The following SLC39A10 variants were observed in gnomAD, a reference collection of about 807,000 sequenced individuals.
SLC39A10 encodes the protein solute carrier family 39 member 10.
Under a neutral mutation model 65.1 loss-of-function variants are expected in SLC39A10, and 13 were observed. The ratio of observed to expected loss-of-function variants is 0.20; its 90% CI spans 0.13 to 0.32. SLC39A10 has a LOEUF of 0.32. SLC39A10 is among the 10% of genes least tolerant of loss of function. The probability of loss-of-function intolerance (pLI) is 1.00; values close to 1 mark genes in which losing one functional copy is unlikely to be tolerated. For synonymous variants in SLC39A10, 321 were observed against 342.2 expected (o/e 0.94, Z 0.68); for missense variants, 831 against 1,018.4 (o/e 0.82, Z 2.50).
intron 3 of SLC39A10, among the ~76,000 whole-genome samples, chr2:195,698,605 T>C (rs1043447765): frequency 6.6e-6 from 1 of 152,014 alleles, no homozygotes; most frequent in Non-Finnish European, 1.5e-5. Flanking sequence ...ATTCTGTTAA[T>C]ACATATGGAT....
At chr2:195,693,086 G>T (rs931922048) in intron 3 of SLC39A10, among the ~76,000 whole-genome samples, 6 of 152,086 alleles carry the variant, frequency 3.9e-5, no homozygotes, top group African/African-American at 1.4e-4. Flanking sequence ...AGATGATCTT[G>T]TGATTTTGTT....
In SLC39A10 at chr2:195,644,228, G is replaced by A. The variant is rs778321876; in HGVS notation, c.-11-35804G>A. The stretch of plus-strand genomic sequence containing the variant: ...ATTAATTTGAAAATCTGGGTTTGGT[G>A]GCTCACGCCTGTGATCCCAGCACTT... On this transcript the variant is annotated intron_variant, in intron 2 of 2. Coordinates refer to the SLC39A10 transcript ENST00000458054. Among the ~76,000 whole-genome samples, 15 of 151,758 alleles carry A rather than the reference G, an allele frequency of 9.9e-5. No individual in the cohort carries two copies. The Middle Eastern group carries it at 0.01, about 104-fold the overall frequency.
intron 1 of SLC39A10, chr2:195,670,231 C>CTTT (rs67789445): frequency 2.2e-4 from 33 of 146,908 alleles, no homozygotes; most frequent in African/African-American, 8.0e-4. Flanking sequence ...ACCCTAATTC[C>CTTT]TTTTTTTTTT....
At chr2:195,686,356 A>T (rs1351359358) in intron 3 of SLC39A10, among the ~76,000 whole-genome samples, 1 of 152,198 alleles carries the variant, frequency 6.6e-6, no homozygotes, top group East Asian at 1.9e-4. Flanking sequence ...TTTAGACTAG[A>T]TAAATTAATT....
chr2:195,678,432 G>C (rs978297883), intron 1 of SLC39A10, among the ~76,000 whole-genome samples: 1 of 151,948 alleles, frequency 6.6e-6, no homozygotes, highest in Non-Finnish European at 1.5e-5. Flanking sequence ...GCTTGTTCAA[G>C]TTACCTACTC....
At chr2:195,695,716 A>G (rs1050783202) in intron 3 of SLC39A10, among the ~76,000 whole-genome samples, 1 of 152,252 alleles carries the variant, frequency 6.6e-6, no homozygotes, top group East Asian at 1.9e-4. Context: ...AGGAGCTGCA[A>G]GCTATTCCAG....
At chr2:195,633,437 T>C (rs1688633614) in intron 2 of SLC39A10, among the ~76,000 whole-genome samples, 1 of 152,202 alleles carries the variant, frequency 6.6e-6, no homozygotes, top group African/African-American at 2.4e-5. Context: ...AGTGGTACAG[T>C]GAGGCTCTTT....
intron 2 of SLC39A10, among the ~76,000 whole-genome samples, chr2:195,649,277 T>A (rs534310876): frequency 1.3e-5 from 2 of 152,372 alleles, no homozygotes; most frequent in East Asian, 3.9e-4. Context: ...CTAGAAATAG[T>A]ACAAGAAAAA....
At chr2:195,629,817 A>T (rs1688547206) in intron 2 of SLC39A10, among the ~76,000 whole-genome samples, 1 of 152,148 alleles carries the variant, frequency 6.6e-6, no homozygotes, top group African/African-American at 2.4e-5. Flanking sequence ...TGTAGCCTTG[A>T]ACTCCTGGGA....
chr2:195,674,564 A>T, intron 1 of SLC39A10: 1 of 985,288 alleles, frequency 1.0e-6, no homozygotes, highest in African/African-American at 1.7e-5. Flanking sequence ...GGTGTGAACC[A>T]CTGCACCCGG....
chr2:195,675,735 G>C (rs1371008300), intron 1 of SLC39A10, among the ~76,000 whole-genome samples: 2 of 152,132 alleles, frequency 1.3e-5, no homozygotes, highest in African/African-American at 4.8e-5. Context: ...CCTGGCCCCA[G>C]TAAGGATTCT....
At chr2:195,730,884 T>C (rs1372728860) in intron 9 of SLC39A10, among the ~76,000 whole-genome samples, 1 of 152,170 alleles carries the variant, frequency 6.6e-6, no homozygotes, top group Non-Finnish European at 1.5e-5. Context: ...AGTGTTGTCC[T>C]TTGACTCAAC....
chr2:195,618,634 A>C (rs1452274950), intron 2 of SLC39A10, among the ~76,000 whole-genome samples: 2 of 152,224 alleles, frequency 1.3e-5, no homozygotes, highest in Non-Finnish European at 2.9e-5. Context: ...ATTAATAAAA[A>C]TAAACACATT....
chr2:195,652,200 G>A (rs1373271427), upstream of SLC39A10, among the ~76,000 whole-genome samples: 1 of 152,162 alleles, frequency 6.6e-6, no homozygotes, highest in African/African-American at 2.4e-5. Flanking sequence ...ATGAGGGAGT[G>A]TCTGGGTTAA....
chr2:195,698,454 T>G (rs1691057463), intron 3 of SLC39A10, among the ~76,000 whole-genome samples: 1 of 152,102 alleles, frequency 6.6e-6, no homozygotes, highest in Non-Finnish European at 1.5e-5. Context: ...TTACTGTAAG[T>G]TTTTCATATA....
At chr2:195,642,813 A>C (rs777001099) in intron 2 of SLC39A10, among the ~76,000 whole-genome samples, 4 of 152,172 alleles carry the variant, frequency 2.6e-5, no homozygotes, top group Non-Finnish European at 5.9e-5. Flanking sequence ...ACTAGAGTAG[A>C]ATAATATATA....
intron 2 of SLC39A10, among the ~76,000 whole-genome samples, chr2:195,642,518 G>C (rs1574214468): frequency 6.6e-6 from 1 of 152,170 alleles, no homozygotes; most frequent in Non-Finnish European, 1.5e-5. Context: ...AATTATCCAA[G>C]CGTAACATTT....
intron 2 of SLC39A10, among the ~76,000 whole-genome samples, chr2:195,637,015 T>C (rs1291077396): frequency 6.6e-6 from 1 of 152,102 alleles, no homozygotes; most frequent in Non-Finnish European, 1.5e-5. Context: ...CCCTCTAGTC[T>C]CAACTAAAAG....
intron 2 of SLC39A10, among the ~76,000 whole-genome samples, chr2:195,640,340 GAAAA>G (rs3049392): frequency 1.6e-5 from 2 of 126,326 alleles, no homozygotes; most frequent in East Asian, 4.2e-4. Context: ...AGCATTAAAA[GAAAA>G]AAAAAAAAAA....
Sources: gnomAD v4.1 joint callset for allele counts (sites outside exome capture counted in the v4.1 genomes callset) on GRCh38, gnomAD v4.1.1 for gene constraint, MANE v1.5 for transcripts, NCBI Gene and HGNC (gene_info 2026-07-23, HGNC 2026-07-21) for gene names.